The following ADCYAP1R1 variants were observed in gnomAD, a reference collection of about 807,000 sequenced individuals.
ADCYAP1R1 encodes pituitary adenylate cyclase-activating polypeptide type I receptor.
In ADCYAP1R1, 44 loss-of-function variants were observed where a neutral mutation model predicts 67.6. The ratio of observed to expected loss-of-function variants is 0.65; its 90% CI spans 0.51 to 0.84. ADCYAP1R1 has a LOEUF of 0.84. ADCYAP1R1 is among the 40% of genes least tolerant of loss of function. The probability of loss-of-function intolerance (pLI) is 0.00; values close to 1 mark genes in which losing one functional copy is unlikely to be tolerated. For synonymous variants in ADCYAP1R1, 222 were observed against 219.6 expected (o/e 1.01, Z -0.10); for missense variants, 477 against 587.9 (o/e 0.81, Z 1.95).
Position 31,086,625 on chromosome 7 carries a change from C to A in ADCYAP1R1, c.823+88C>A. The A allele has an allele frequency of 6.6e-7, 1 of 1,525,006 alleles. No individual in the cohort carries two copies. Among genetic ancestry groups the A allele is most frequent in the Non-Finnish European group, 9.0e-7 (1 of 1,115,390 alleles). 94.5% of individuals were successfully genotyped at this position (1,525,006 alleles called of 1,614,324 possible). On this transcript the variant is annotated intron_variant, in intron 10 of 15. Transcript: ENST00000304166. This position sits in a 1 kb window ranked among gnomAD's most constrained non-coding sequence, Gnocchi z 5.0. ...CTTTGGTTCCATCTTCAGGAAGTGT[C>A]AGGTGAGGAGGGGCCACTGCCCTGC...
chr7:31,071,630 A>G (rs1367780314), intron 3 of ADCYAP1R1, among the ~76,000 whole-genome samples: 1 of 152,136 alleles, frequency 6.6e-6, no homozygotes, highest in Non-Finnish European at 1.5e-5. Flanking sequence ...CTTCTTTGCC[A>G]AGGCCTTTTC....
In ADCYAP1R1 at chr7:31,110,892, A is replaced by G. The variant is rs1796838867; in HGVS notation, c.*4208A>G. ...GAAATTACACAGATGTGGGCTTGTT[A>G]TTGGGATGAAGACTGCTGGAAGGGA... is the stretch of plus-strand genomic sequence containing the variant. On this transcript the variant is annotated 3_prime_UTR_variant, in exon 16 of 16. Transcript: ENST00000304166. 1 of 152,168 alleles carries G rather than the reference A, an allele frequency of 6.6e-6. No homozygotes were observed. The highest frequency in any genetic ancestry group is 2.1e-4 in the South Asian group (1 of 4,828). 9.4% of individuals were successfully genotyped at this position (152,168 alleles called of 1,614,324 possible). A position where few individuals can be genotyped will look rare whatever the true frequency, so the allele number is the denominator to read the frequency against.
intron 12 of ADCYAP1R1, among the ~76,000 whole-genome samples, chr7:31,090,907 T>C (rs184670162): frequency 6.1e-4 from 93 of 152,354 alleles, no homozygotes; most frequent in African/African-American, 2.1e-3. Flanking sequence ...TTTTGTAGAA[T>C]GATATATTTT....
At chr7:31,073,893 A>G (rs531886420) in intron 3 of ADCYAP1R1, among the ~76,000 whole-genome samples, 4 of 152,234 alleles carry the variant, frequency 2.6e-5, no homozygotes, top group African/African-American at 9.6e-5. Context: ...CCCTGGTACT[A>G]TACGAATTGT....
intron 15 of ADCYAP1R1, among the ~76,000 whole-genome samples, chr7:31,105,333 C>T (rs1796597360): frequency 6.6e-6 from 1 of 152,234 alleles, no homozygotes; most frequent in African/African-American, 2.4e-5. Flanking sequence ...CAGGAGCTGC[C>T]TGGCACTCAG....
chr7:31,075,850 G>A (rs922358964), intron 3 of ADCYAP1R1, among the ~76,000 whole-genome samples: 3 of 152,154 alleles, frequency 2.0e-5, no homozygotes, highest in Non-Finnish European at 4.4e-5. Context: ...CACTGAGTAG[G>A]GTGAAGGGAT....
intron 3 of ADCYAP1R1, among the ~76,000 whole-genome samples, chr7:31,077,404 G>GTGTT (rs1795288379): frequency 1.7e-5 from 1 of 57,894 alleles, no homozygotes. Context: ...TGATGTGTGT[G>GTGTT]GTGTGTGTGT....
rs1795748898 is a variant in ADCYAP1R1, at chr7:31,086,521, C to T, written c.807C>T (p.Tyr269=). The change falls in exon 10 of 16, where the codon TAC becomes TAT. Residue 269 remains tyrosine, a synonymous_variant. Transcript: ENST00000304166. This position sits in a 1 kb window ranked among gnomAD's most constrained non-coding sequence, Gnocchi z 5.0. ...CTGAAAGGAGATACTTCTACTGGTA[C>T]ACCATCATTGGCTGGGGTAGGTTCC... ...FFPERRYFYW[Y]TIIGWGTPTV... 4.3e-6 allele frequency: 7 copies of T among 1,614,116 alleles called. No homozygotes were observed. In the South Asian group the frequency reaches 4.4e-5, roughly 10 times the overall value.
chr7:31,074,259 C>T (rs183565181), intron 3 of ADCYAP1R1, among the ~76,000 whole-genome samples: 8 of 152,262 alleles, frequency 5.3e-5, no homozygotes, highest in Admixed American at 1.3e-4. Flanking sequence ...TTGGGGCTTC[C>T]GGTGCTAATG....
At position 31,106,713 on chromosome 7, in the gene ADCYAP1R1, C is replaced by T. The variant is rs1796664561; in HGVS notation, c.*29C>T. On this transcript the variant is annotated 3_prime_UTR_variant, in exon 16 of 16. Transcript: ENST00000304166. ...ATGCTCCCCTCCTCCTCCTCTCCTCCATCCACAGGCTGGGACCGCAGGCAG... is the reference window on the plus strand; with the variant it reads ...ATGCTCCCCTCCTCCTCCTCTCCTCTATCCACAGGCTGGGACCGCAGGCAG... 1.3e-6 allele frequency: 2 copies of T among 1,572,404 alleles called. No individual in the cohort carries two copies. Among genetic ancestry groups the T allele is most frequent in the Admixed American group, 3.6e-5 (2 of 55,872 alleles).
intron 12 of ADCYAP1R1, 91 bp from the exon 13 acceptor site, chr7:31,092,553 C>A: frequency 1.1e-6 from 1 of 940,352 alleles, no homozygotes. Flanking sequence ...TAGATGGGAT[C>A]TTGACTAGGT....
At chr7:31,073,148 G>C (rs2128622223) in intron 3 of ADCYAP1R1, among the ~76,000 whole-genome samples, 1 of 152,332 alleles carries the variant, frequency 6.6e-6, no homozygotes, top group African/African-American at 2.4e-5. Context: ...CAAACTTACA[G>C]CAGCAGTAGG....
At chr7:31,083,756 A>T (rs74412130) in intron 6 of ADCYAP1R1, among the ~76,000 whole-genome samples, 5,033 of 152,234 alleles carry the variant, frequency 0.033, 135 homozygotes, top group Non-Finnish European at 0.045. Flanking sequence ...CCTGACAGAG[A>T]ATCCCTAAGG....
At chr7:31,105,502 G>A (rs557895228) in intron 15 of ADCYAP1R1, among the ~76,000 whole-genome samples, 21 of 152,344 alleles carry the variant, frequency 1.4e-4, no homozygotes, top group Admixed American at 1.0e-3. Context: ...ACCCTATTGG[G>A]GTAAAGCGCT....
intron 12 of ADCYAP1R1, among the ~76,000 whole-genome samples, chr7:31,092,257 C>T (rs1795991142): frequency 6.6e-6 from 1 of 151,446 alleles, no homozygotes; most frequent in African/African-American, 2.4e-5. Flanking sequence ...TCTGGTTCCC[C>T]ATATTTGATG....
rs1795752654 is a variant in ADCYAP1R1, at chr7:31,086,607, TC to T, written c.823+72del. 1.3e-6 allele frequency: 2 copies of T among 1,582,028 alleles called. No individual in the cohort carries two copies. The highest frequency in any genetic ancestry group is 2.7e-5 in the African/African-American group (2 of 74,176). On this transcript the variant is annotated intron_variant, in intron 10 of 15. Transcript: ENST00000304166. This position sits in a 1 kb window ranked among gnomAD's most constrained non-coding sequence, Gnocchi z 5.0. ...AGGTGTGTCCAGGTGTGTCTTTGGT[TC>T]CATCTTCAGGAAGTGTCAGGTGAGG... is the stretch of plus-strand genomic sequence containing the variant.
chr7:31,103,412 C>T, intron 14 of ADCYAP1R1, 46 bp downstream of exon 14: 1 of 1,612,676 alleles, frequency 6.2e-7, no homozygotes, highest in East Asian at 2.2e-5. Context: ...GGAGCCAGGG[C>T]CTGGTTGCTC....
intron 4 of ADCYAP1R1, among the ~76,000 whole-genome samples, chr7:31,078,689 G>A (rs1480004827): frequency 2.0e-5 from 3 of 152,164 alleles, no homozygotes; most frequent in African/African-American, 7.2e-5. Flanking sequence ...TGGGGCTGGC[G>A]CACACTCACG....
intron 4 of ADCYAP1R1, among the ~76,000 whole-genome samples, chr7:31,079,870 G>C (rs1387114201): frequency 6.6e-6 from 1 of 152,240 alleles, no homozygotes; most frequent in Non-Finnish European, 1.5e-5. Flanking sequence ...ACAGGCAGCG[G>C]AAGTGCTGGA....
Sources: gnomAD v4.1 joint callset for allele counts (sites outside exome capture counted in the v4.1 genomes callset) on GRCh38, gnomAD v4.1.1 for gene constraint, Gnocchi (gnomAD v3.1) non-coding constraint, MANE v1.5 for transcripts, NCBI Gene and HGNC (gene_info 2026-07-23, HGNC 2026-07-21) for gene names.